The following SHISA9 variants were observed in gnomAD, a reference collection of about 807,000 sequenced individuals.
The protein encoded by SHISA9 is protein shisa-9.
Under a neutral mutation model 38.0 loss-of-function variants are expected in SHISA9, and 13 were observed. The observed-to-expected ratio is 0.34, with a 90% CI of 0.22 to 0.54. SHISA9 has a LOEUF of 0.54. SHISA9 is among the 20% of genes least tolerant of loss of function. SHISA9 has a pLI of 0.91. For missense variants in SHISA9, 538 were observed against 575.8 expected (o/e 0.93, Z 0.67); for synonymous variants, 275 against 242.0 (o/e 1.14, Z -1.27).
At chr16:12,922,548 C>G (rs1325790888) in intron 2 of SHISA9, among the ~76,000 whole-genome samples, 2 of 152,232 alleles carry the variant, frequency 1.3e-5, no homozygotes, top group African/African-American at 4.8e-5. Flanking sequence ...GAGATGGAGT[C>G]TCGCTCTGTT....
chr16:13,052,220 T>C (rs966213644), intron 2 of SHISA9, among the ~76,000 whole-genome samples: 3 of 152,172 alleles, frequency 2.0e-5, no homozygotes, highest in Non-Finnish European at 4.4e-5. Flanking sequence ...GTCAGACAAG[T>C]TAGAATCCAG....
the SHISA9 span, among the ~76,000 whole-genome samples, chr16:13,450,335 G>A: frequency 6.6e-6 from 1 of 152,204 alleles, no homozygotes; most frequent in Non-Finnish European, 1.5e-5. Flanking sequence ...AAGGCATGGT[G>A]AGCATCTGAT....
chr16:13,368,503 G>A, the SHISA9 span, among the ~76,000 whole-genome samples: 12 of 152,082 alleles, frequency 7.9e-5, no homozygotes, highest in South Asian at 2.1e-4. Flanking sequence ...GCTTCGTTGC[G>A]TTAGGGGGTT....
intron 2 of SHISA9, among the ~76,000 whole-genome samples, chr16:13,184,555 TACCGCTGCAATCA>T (rs1482649130): frequency 6.6e-6 from 1 of 152,240 alleles, no homozygotes; most frequent in East Asian, 1.9e-4. Flanking sequence ...GTGCTGTAAC[TACCGCTGCAATCA>T]AGACACAAAG....
chr16:13,265,585 C>T, the SHISA9 span, among the ~76,000 whole-genome samples: 2 of 132,630 alleles, frequency 1.5e-5, no homozygotes, highest in African/African-American at 2.8e-5. Context: ...CCCTCCTCTT[C>T]CCTCCCCTCT....
chr16:13,527,626 C>T, the SHISA9 span, among the ~76,000 whole-genome samples: 2 of 152,138 alleles, frequency 1.3e-5, no homozygotes, highest in African/African-American at 4.8e-5. Flanking sequence ...GAAGCAAACA[C>T]ACTCAGAGAA....
At chr16:12,957,902 TAA>T (rs1159245635) in intron 2 of SHISA9, among the ~76,000 whole-genome samples, 1 of 152,176 alleles carries the variant, frequency 6.6e-6, no homozygotes, top group African/African-American at 2.4e-5. Flanking sequence ...TCTATTCTTG[TAA>T]AGACACTGAT....
chr16:12,908,853 G>A (rs1038472521), intron 1 of SHISA9: 4 of 1,161,110 alleles, frequency 3.4e-6, no homozygotes, highest in Non-Finnish European at 3.2e-6. Flanking sequence ...AGCCAGTAGG[G>A]AACACATGTC....
rs943281717 is a variant in SHISA9, at chr16:13,055,016, A to G, written c.691+138201A>G. Among the ~76,000 whole-genome samples the G allele has an allele frequency of 9.2e-5, 14 of 152,198 alleles. 1 individual carries two copies. In the East Asian group the frequency reaches 2.3e-3, roughly 25 times the overall value. On this transcript the variant is annotated intron_variant, in intron 2 of 4. Transcript: ENST00000558583. ...CCAAAGCAAACCCCTTTGTCCTACA[A>G]TCACAAGCTGCCCCAAGTTTATATG...
At chr16:13,285,421 T>G in the SHISA9 span, among the ~76,000 whole-genome samples, 2 of 151,084 alleles carry the variant, frequency 1.3e-5, no homozygotes, top group Non-Finnish European at 2.9e-5. Context: ...CTCTTGGCAA[T>G]GAATGCAGAT....
intron 2 of SHISA9, among the ~76,000 whole-genome samples, chr16:13,169,872 A>G (rs2050670000): frequency 6.6e-6 from 1 of 152,106 alleles, no homozygotes; most frequent in South Asian, 2.1e-4. Context: ...CAGTCTGGTT[A>G]TGAATCCTTA....
the SHISA9 span, among the ~76,000 whole-genome samples, chr16:13,561,187 A>G: frequency 8.9e-3 from 1,350 of 152,174 alleles, 24 homozygotes; most frequent in African/African-American, 0.031. Flanking sequence ...TTTGAATATC[A>G]TATGTACACT....
chr16:13,562,779 A>G, the SHISA9 span: 1 of 152,142 alleles, frequency 6.6e-6, no homozygotes, highest in Non-Finnish European at 1.5e-5. Context: ...ACGGAGAAGA[A>G]AGGCTAAATC....
At chr16:13,444,969 C>G in the SHISA9 span, among the ~76,000 whole-genome samples, 6 of 137,058 alleles carry the variant, frequency 4.4e-5, no homozygotes, top group African/African-American at 1.6e-4. Context: ...TGGGCACACA[C>G]CACCATGCCT....
chr16:13,257,974 T>C, the SHISA9 span, among the ~76,000 whole-genome samples: 37 of 152,354 alleles, frequency 2.4e-4, no homozygotes, highest in Middle Eastern at 6.8e-3. Flanking sequence ...GACTTCTCAG[T>C]ATGCCCTGTG....
chr16:13,329,164 C>A, the SHISA9 span, among the ~76,000 whole-genome samples: 1 of 152,148 alleles, frequency 6.6e-6, no homozygotes, highest in Non-Finnish European at 1.5e-5. Flanking sequence ...ACCAGCCTTC[C>A]CTGCTCGCTA....
the SHISA9 span, among the ~76,000 whole-genome samples, chr16:13,506,475 TGAG>T: frequency 6.6e-6 from 1 of 152,056 alleles, no homozygotes; most frequent in Non-Finnish European, 1.5e-5. Flanking sequence ...AGGAGTGTGA[TGAG>T]GAGGACGGGG....
At chr16:13,246,938 C>A in the SHISA9 span, among the ~76,000 whole-genome samples, 30 of 150,888 alleles carry the variant, frequency 2.0e-4, no homozygotes, top group African/African-American at 7.3e-4. Context: ...AAAGAACTAC[C>A]CTAGACTGGA....
intron 2 of SHISA9, among the ~76,000 whole-genome samples, chr16:13,052,026 G>A (rs1176176636): frequency 6.6e-6 from 1 of 152,162 alleles, no homozygotes; most frequent in Non-Finnish European, 1.5e-5. Context: ...GCCTCCCAAA[G>A]TACTGGGATT....
Sources: gnomAD v4.1 joint callset for allele counts (sites outside exome capture counted in the v4.1 genomes callset) on GRCh38, gnomAD v4.1.1 for gene constraint, MANE v1.5 for transcripts, NCBI Gene and HGNC (gene_info 2026-07-23, HGNC 2026-07-21) for gene names.